The following GRM3 variants were observed in gnomAD, a reference collection of about 807,000 sequenced individuals.
GRM3 encodes the protein glutamate metabotropic receptor 3.
Under a neutral mutation model 70.5 loss-of-function variants are expected in GRM3, and 26 were observed. The ratio of observed to expected loss-of-function variants is 0.37; its 90% confidence interval spans 0.27 to 0.51. GRM3 has a LOEUF of 0.51. GRM3 is among the 20% of genes least tolerant of loss of function. The pLI is 0.93. For missense variants in GRM3, 859 were observed against 1,123.8 expected (o/e 0.76, Z 3.37); for synonymous variants, 443 against 434.9 (o/e 1.02, Z -0.23).
intron 1 of GRM3, among the ~76,000 whole-genome samples, chr7:86,652,026 T>C (rs1245311427): frequency 6.6e-6 from 1 of 152,152 alleles, no homozygotes; most frequent in Non-Finnish European, 1.5e-5. Flanking sequence ...ACCAGTTTAG[T>C]AGGGAGTAGG....
chr7:86,748,072 C>CT (rs1262538670), intron 1 of GRM3, among the ~76,000 whole-genome samples: 2 of 152,020 alleles, frequency 1.3e-5, no homozygotes, highest in African/African-American at 2.4e-5. Context: ...AGGAAACATT[C>CT]TTTTTTTCCC....
intron 4 of GRM3, among the ~76,000 whole-genome samples, chr7:86,841,730 T>C (rs1254813736): frequency 3.3e-5 from 5 of 152,160 alleles, no homozygotes; most frequent in African/African-American, 1.2e-4. Flanking sequence ...AATAACATTA[T>C]AAAAATTTAA....
chr7:86,734,220 AG>A (rs1406985183), intron 1 of GRM3, among the ~76,000 whole-genome samples: 2 of 152,214 alleles, frequency 1.3e-5, no homozygotes, highest in African/African-American at 2.4e-5. Flanking sequence ...GATTGAAAAA[AG>A]AATGTGTTGA....
intron 1 of GRM3, among the ~76,000 whole-genome samples, chr7:86,713,393 C>G (rs1374361212): frequency 6.6e-6 from 1 of 151,986 alleles, no homozygotes; most frequent in Non-Finnish European, 1.5e-5. Flanking sequence ...CAGCTTAGCT[C>G]CTCTTTGTTA....
chr7:86,687,030 G>A (rs922527469), intron 1 of GRM3, among the ~76,000 whole-genome samples: 1 of 151,866 alleles, frequency 6.6e-6, no homozygotes, highest in Non-Finnish European at 1.5e-5. Flanking sequence ...GTGAACTAAA[G>A]ACATGTCAAT....
rs1194307565 is a variant in GRM3 at position 86,864,318 on chromosome 7, G to C, written c.2603G>C (p.Gly868Ala). ...ACGTATGTGCCAACGGTGTGCAATG[G>C]GCGGGAAGTCCTCGACTCCACCACC... ...ASTYVPTVCN[G>A]REVLDSTTSS... The change falls in exon 6 of 6, where the codon GGG (glycine) becomes GCG (alanine). Residue 868 changes from glycine (G) to alanine (A), a missense_variant. Gly to Ala is a moderately conservative substitution (Grantham distance 60, BLOSUM62 0). Transcript: ENST00000361669. The C allele has an allele frequency of 3.1e-6, 5 of 1,609,598 alleles. No homozygotes were observed. The highest frequency in any genetic ancestry group is 1.7e-5 in the Admixed American group (1 of 59,940).
intron 3 of GRM3, among the ~76,000 whole-genome samples, chr7:86,795,793 C>T (rs1215819612): frequency 6.6e-6 from 1 of 152,128 alleles, no homozygotes; most frequent in Non-Finnish European, 1.5e-5. Context: ...AATGGTATTT[C>T]TGGTTCAAGG....
intron 1 of GRM3, among the ~76,000 whole-genome samples, chr7:86,760,769 A>T (rs565306424): frequency 1.3e-5 from 2 of 152,276 alleles, no homozygotes; most frequent in Non-Finnish European, 2.9e-5. Context: ...GTAAATAAAA[A>T]TACAGTGTAT....
At chr7:86,695,038 C>T (rs903821443) in intron 1 of GRM3, among the ~76,000 whole-genome samples, 3 of 152,150 alleles carry the variant, frequency 2.0e-5, no homozygotes, top group Admixed American at 6.5e-5. Context: ...GCTTATCAGG[C>T]CCTTAAAAGT....
At chr7:86,665,240 A>C (rs978917162) in intron 1 of GRM3, among the ~76,000 whole-genome samples, 1 of 152,040 alleles carries the variant, frequency 6.6e-6, no homozygotes, top group Non-Finnish European at 1.5e-5. Context: ...CGTGTTATGA[A>C]TCTCAATTCT....
intron 1 of GRM3, among the ~76,000 whole-genome samples, chr7:86,679,845 C>T (rs1794401388): frequency 6.6e-6 from 1 of 151,906 alleles, no homozygotes; most frequent in Non-Finnish European, 1.5e-5. Context: ...ATCAGGATAC[C>T]CAGTACAGAA....
rs111501087 is a variant in GRM3 at position 86,756,538 on chromosome 7, T to C, written c.-140-8468T>C. On this transcript the variant is annotated intron_variant, in intron 1 of 5. Coordinates refer to ENST00000361669, the MANE Select transcript of GRM3 (RefSeq NM_000840.3). ...TTTCCCCAGAACTTCAAAGGTGCCA[T>C]TTCATTAAGTTATTTTTTCTGATAA... Among the ~76,000 whole-genome samples, 241 of 152,288 alleles carry C rather than the reference T, an allele frequency of 1.6e-3. 3 individuals carry two copies. The highest frequency in any genetic ancestry group is 5.6e-3 in the African/African-American group (232 of 41,576).
In GRM3 at chr7:86,709,030, C is replaced by T. The variant is rs1795131246; in HGVS notation, c.-140-55976C>T. 6.6e-5 allele frequency among the ~76,000 whole-genome samples: 10 copies of T among 152,002 alleles called. No homozygotes were observed. The South Asian group carries it at 2.1e-3, about 32-fold the overall frequency. ...TTATAGAGACTATTTCACTTTGACA[C>T]CTAAATTACAACCTACATACTCAAG... On this transcript the variant is annotated intron_variant, in intron 1 of 5. Coordinates refer to ENST00000361669, the MANE Select transcript of GRM3 (RefSeq NM_000840.3).
intron 1 of GRM3, among the ~76,000 whole-genome samples, chr7:86,762,065 T>C (rs1209592183): frequency 1.3e-5 from 2 of 152,144 alleles, no homozygotes; most frequent in African/African-American, 2.4e-5. Context: ...AAAACAATTA[T>C]TTTATAGAGA....
chr7:86,857,491 T>A (rs1178142318), intron 5 of GRM3, among the ~76,000 whole-genome samples: 2 of 152,178 alleles, frequency 1.3e-5, no homozygotes, highest in Admixed American at 1.3e-4. Flanking sequence ...GCCAAAGAGA[T>A]CATTTAGGAG....
At chr7:86,662,860 T>A (rs893535388) in intron 1 of GRM3, among the ~76,000 whole-genome samples, 8 of 151,916 alleles carry the variant, frequency 5.3e-5, no homozygotes, top group African/African-American at 1.9e-4. Context: ...AGCCACCAAA[T>A]GTAGTATGAA....
chr7:86,786,849 G>A lies in GRM3; in HGVS notation c.1057G>A (p.Asp353Asn). ...YNNHRNPWFRDFWEQKFQCSL... is the reference protein window; with the variant it reads ...YNNHRNPWFRNFWEQKFQCSL... ...CAACCACCGCAACCCCTGGTTCCGG[G>A]ACTTCTGGGAGCAAAAGTTTCAGTG... is the stretch of plus-strand genomic sequence containing the variant. The change falls in exon 3 of 6, where the codon GAC becomes AAC. Residue 353 changes from aspartate (D) to asparagine (N), a missense_variant. Coordinates refer to ENST00000361669, the MANE Select transcript of GRM3 (RefSeq NM_000840.3). This position sits in a 1 kb window ranked among gnomAD's most constrained non-coding sequence, Gnocchi z 6.0. The A allele has an allele frequency of 1.2e-6, 2 of 1,614,212 alleles. No homozygotes were observed. Among genetic ancestry groups the A allele is most frequent in the Middle Eastern group, 1.6e-4 (1 of 6,062 alleles).
chr7:86,766,304 A>G (rs571349959), intron 2 of GRM3, among the ~76,000 whole-genome samples: 32 of 152,230 alleles, frequency 2.1e-4, no homozygotes, highest in African/African-American at 6.7e-4. Context: ...TTTTTTGTTC[A>G]GAGATAAAAT....
At chr7:86,738,726 C>T (rs569868795) in intron 1 of GRM3, among the ~76,000 whole-genome samples, 27 of 152,156 alleles carry the variant, frequency 1.8e-4, no homozygotes, top group Non-Finnish European at 3.7e-4. Flanking sequence ...AAAAGAGATA[C>T]TTGTATAATA....
Sources: gnomAD v4.1 joint callset for allele counts (sites outside exome capture counted in the v4.1 genomes callset) on GRCh38, gnomAD v4.1.1 for gene constraint, Gnocchi (gnomAD v3.1) non-coding constraint, MANE v1.5 for transcripts, NCBI Gene and HGNC (gene_info 2026-07-23, HGNC 2026-07-21) for gene names.